The following CACNA2D1 variants were observed in gnomAD, a reference collection of about 807,000 sequenced individuals.
CACNA2D1 encodes the protein voltage-dependent calcium channel subunit alpha-2/delta-1.
A neutral mutation model predicts 171.5 loss-of-function variants in CACNA2D1; 53 were observed. The observed-to-expected ratio is 0.31, with a 90% CI of 0.25 to 0.39. The LOEUF (loss-of-function observed/expected upper bound fraction) is 0.39, where lower values mean the gene tolerates loss of function less well. Among genes scored for constraint, CACNA2D1 ranks in the 10% least tolerant of loss-of-function variants. The pLI is 1.00. For synonymous variants in CACNA2D1, 442 were observed against 443.1 expected, an observed-to-expected ratio of 1.00 and a Z score of 0.03; for missense variants, 903 against 1,299.8, an observed-to-expected ratio of 0.69 and a Z score of 4.69.
chr7:82,414,440 T>G (rs981092062), intron 1 of CACNA2D1, among the ~76,000 whole-genome samples: 16 of 152,062 alleles, frequency 1.1e-4, no homozygotes, highest in Non-Finnish European at 2.1e-4. Context: ...ATTACAGAAG[T>G]GGTTAAGGAA....
At chr7:82,233,504 C>G (rs1182744894) in intron 3 of CACNA2D1, among the ~76,000 whole-genome samples, 1 of 151,934 alleles carries the variant, frequency 6.6e-6, no homozygotes, top group African/African-American at 2.4e-5. Flanking sequence ...ATTCTGTGAC[C>G]TTTATTGAAG....
At chr7:82,132,535 T>C (rs1791114312) in intron 5 of CACNA2D1, among the ~76,000 whole-genome samples, 1 of 152,174 alleles carries the variant, frequency 6.6e-6, no homozygotes. Flanking sequence ...GCAAAGGGCA[T>C]GTCTCCCATT....
rs570751105 is a variant in CACNA2D1 at position 82,233,183 on chromosome 7, T to C, written c.295-62574A>G. On this transcript the variant is annotated intron_variant, in intron 3 of 38. Coordinates refer to ENST00000356860, the MANE Select transcript of CACNA2D1 (RefSeq NM_000722.4). ...AAAGAATTAATTATAAAGTGTTATA[T>C]AGTGATGGCTACATAAAACTATATT... Among the ~76,000 whole-genome samples, 26 of 152,334 alleles carry C rather than the reference T, an allele frequency of 1.7e-4. No homozygotes were observed. In the South Asian group the frequency reaches 4.8e-3, roughly 28 times the overall value.
intron 4 of CACNA2D1, among the ~76,000 whole-genome samples, chr7:82,150,891 G>A (rs1263264432): frequency 1.3e-5 from 2 of 152,144 alleles, no homozygotes; most frequent in African/African-American, 4.8e-5. Context: ...CATTAAAGAA[G>A]CACATTTGAA....
intron 1 of CACNA2D1, among the ~76,000 whole-genome samples, chr7:82,436,842 CATT>C (rs1209120699): frequency 6.6e-6 from 1 of 152,100 alleles, no homozygotes; most frequent in Non-Finnish European, 1.5e-5. Flanking sequence ...CAAAATATGG[CATT>C]ATTAATATTT....
intron 3 of CACNA2D1, among the ~76,000 whole-genome samples, chr7:82,273,203 G>T (rs1307345168): frequency 6.6e-6 from 1 of 152,002 alleles, no homozygotes; most frequent in Admixed American, 6.6e-5. Context: ...AACAATTCCA[G>T]ATGGATAATC....
intron 1 of CACNA2D1, among the ~76,000 whole-genome samples, chr7:82,375,146 C>T (rs950512765): frequency 2.0e-5 from 3 of 152,108 alleles, no homozygotes; most frequent in Admixed American, 2.0e-4. Flanking sequence ...AGAAACAATA[C>T]AGAAACACAA....
chr7:82,283,971 T>C (rs1013948521), intron 3 of CACNA2D1, among the ~76,000 whole-genome samples: 19 of 151,944 alleles, frequency 1.3e-4, no homozygotes, highest in African/African-American at 3.9e-4. Context: ...AATGAAAGCA[T>C]AAATTAAAAG....
chr7:82,312,966 T>C (rs1814660131), intron 3 of CACNA2D1, among the ~76,000 whole-genome samples: 1 of 152,188 alleles, frequency 6.6e-6, no homozygotes, highest in African/African-American at 2.4e-5. Flanking sequence ...TTTTCTTGTT[T>C]CCATAGAAAT....
At chr7:82,226,438 CT>C (rs1802372869) in intron 3 of CACNA2D1, among the ~76,000 whole-genome samples, 2 of 152,162 alleles carry the variant, frequency 1.3e-5, no homozygotes, top group East Asian at 3.9e-4. Context: ...AACACTTTTC[CT>C]ATTACCCATC....
At position 82,086,878 on chromosome 7, in the gene CACNA2D1, T is replaced by C. The variant is rs1810542043; in HGVS notation, c.527-1978A>G. On this transcript the variant is annotated intron_variant, in intron 6 of 38. Transcript: ENST00000356860. ...TGGGTACTGACACACTGATTGTGAA[T>C]TATACTTTTATAAACTGAGGGAAAA... Among the ~76,000 whole-genome samples, 3 of 152,158 alleles carry C rather than the reference T, an allele frequency of 2.0e-5. No homozygotes were observed. In the South Asian group the frequency reaches 6.2e-4, roughly 31 times the overall value.
At chr7:82,138,441 T>G (rs1200763938) in intron 4 of CACNA2D1, among the ~76,000 whole-genome samples, 4 of 67,964 alleles carry the variant, frequency 5.9e-5, no homozygotes, top group African/African-American at 6.8e-5. Context: ...GTTTTTTTTG[T>G]TTTTTTTGTT....
rs545981427 is a variant in CACNA2D1 at position 82,128,541 on chromosome 7, C to T, written c.396+8094G>A. Among the ~76,000 whole-genome samples the T allele has an allele frequency of 1.3e-4, 20 of 152,222 alleles. No individual in the cohort carries two copies. The South Asian group carries it at 4.1e-3, about 32-fold the overall frequency. Reference sequence around the variant, plus strand: ...TAGAAAGCTTTCACTCTAAAGGAAGCATTGATCAACTTTAAATACTTGTTT... The same window carrying T: ...TAGAAAGCTTTCACTCTAAAGGAAGTATTGATCAACTTTAAATACTTGTTT... On this transcript the variant is annotated intron_variant, in intron 5 of 38. Transcript: ENST00000356860.
At chr7:82,342,254 G>A (rs1419281931) in intron 2 of CACNA2D1, among the ~76,000 whole-genome samples, 1 of 151,892 alleles carries the variant, frequency 6.6e-6, no homozygotes, top group East Asian at 1.9e-4. Context: ...ATTTATATAC[G>A]TGTGATGTTT....
chr7:82,210,031 G>T (rs1800401236), intron 3 of CACNA2D1, among the ~76,000 whole-genome samples: 1 of 152,208 alleles, frequency 6.6e-6, no homozygotes, highest in East Asian at 1.9e-4. Context: ...AGTCAAGTTA[G>T]TCAAATTTTC....
At chr7:82,081,427 GTTATA>G (rs1344357844) in intron 7 of CACNA2D1, among the ~76,000 whole-genome samples, 1 of 152,042 alleles carries the variant, frequency 6.6e-6, no homozygotes, top group East Asian at 1.9e-4. Flanking sequence ...TAAATACTTG[GTTATA>G]TTATATCATT....
At chr7:82,392,331 G>A (rs1157602106) in intron 1 of CACNA2D1, among the ~76,000 whole-genome samples, 1 of 152,184 alleles carries the variant, frequency 6.6e-6, no homozygotes, top group East Asian at 1.9e-4. Flanking sequence ...ACTTCAGGTG[G>A]GGGGCCACCC....
intron 3 of CACNA2D1, among the ~76,000 whole-genome samples, chr7:82,241,491 T>C (rs185706956): frequency 1.1e-4 from 17 of 152,186 alleles, no homozygotes; most frequent in African/African-American, 4.1e-4. Context: ...CACAATGAAA[T>C]CTCAAACATC....
intron 3 of CACNA2D1, among the ~76,000 whole-genome samples, chr7:82,272,072 A>G (rs578207346): frequency 1.8e-4 from 27 of 152,300 alleles, no homozygotes; most frequent in Non-Finnish European, 3.7e-4. Context: ...GAAACCCAAA[A>G]TGAGTAATTT....
Sources: gnomAD v4.1 joint callset for allele counts (sites outside exome capture counted in the v4.1 genomes callset) on GRCh38, gnomAD v4.1.1 for gene constraint, MANE v1.5 for transcripts, NCBI Gene and HGNC (gene_info 2026-07-23, HGNC 2026-07-21) for gene names.